The following KHDC1L variants were observed in gnomAD, a reference collection of about 807,000 sequenced individuals.
KHDC1L encodes KHDC1-like protein.
Under a neutral mutation model 11.2 loss-of-function variants are expected in KHDC1L, and 5 were observed. The ratio of observed to expected loss-of-function variants is 0.45; its 90% CI spans 0.23 to 0.94. The LOEUF (loss-of-function observed/expected upper bound fraction) is 0.94, where lower values mean the gene tolerates loss of function less well. KHDC1L is among the 40% of genes least tolerant of loss of function. The probability of loss-of-function intolerance (pLI) is 0.22; values close to 1 mark genes in which losing one functional copy is unlikely to be tolerated. For missense variants in KHDC1L, 168 were observed against 165.8 expected (o/e 1.01, Z -0.07); for synonymous variants, 66 against 62.7 (o/e 1.05, Z -0.25).
Position 73,224,356 on chromosome 6 carries a change from C to T in KHDC1L, c.113-8G>A, listed in dbSNP as rs1445198668. 1 of 1,551,200 alleles carries T rather than the reference C, an allele frequency of 6.4e-7. No individual in the cohort carries two copies. Among genetic ancestry groups the T allele is most frequent in the Non-Finnish European group, 8.7e-7 (1 of 1,145,364 alleles). On this transcript the variant is annotated splice_region_variant and splice_polypyrimidine_tract_variant and intron_variant, in intron 1 of 2. Transcript: ENST00000370388. Reference sequence around the variant, plus strand: ...GGTACGTGTCATCAAGTCCTGTAAGCACAAGAAGTGAGAAGAGAAACTGTC... The same window carrying T: ...GGTACGTGTCATCAAGTCCTGTAAGTACAAGAAGTGAGAAGAGAAACTGTC...
At chr6:73,225,089 C>CAAAA (rs774109371) in intron 1 of KHDC1L, among the ~76,000 whole-genome samples, 1 of 95,872 alleles carries the variant, frequency 1.0e-5, no homozygotes, top group Non-Finnish European at 2.1e-5. Flanking sequence ...TCTCGAGTCT[C>CAAAA]AAAAAAAAAA....
intron 1 of KHDC1L, 85 bp from the exon 2 acceptor site, chr6:73,224,433 G>T: frequency 1.7e-6 from 2 of 1,168,490 alleles, no homozygotes; most frequent in South Asian, 1.6e-5. Context: ...AGGGATGTGT[G>T]ACTCATGAAG....
In KHDC1L at chr6:73,223,618, G is replaced by A; in HGVS notation, c.*130C>T. 2 of 688,062 alleles carry A rather than the reference G, an allele frequency of 2.9e-6. No homozygotes were observed. The highest frequency in any genetic ancestry group is 1.9e-5 in the South Asian group (1 of 53,844). 42.6% of individuals were successfully genotyped at this position (688,062 alleles called of 1,614,324 possible). ...TCTAACACTCAGGAGACTTCCCTCA[G>A]ACACATGCCTAGAAGGCCTGAGAGG... On this transcript the variant is annotated 3_prime_UTR_variant, in exon 3 of 3. Transcript: ENST00000370388.
Position 73,224,078 on chromosome 6 carries a change from A to C in KHDC1L, c.295+88T>G. Reference sequence around the variant, plus strand: ...CCTGGATTCCCCAGCCACACAAGGGATTCTTCACGAATCCAAGATGCCACA... The same window carrying C: ...CCTGGATTCCCCAGCCACACAAGGGCTTCTTCACGAATCCAAGATGCCACA... On this transcript the variant is annotated intron_variant, in intron 2 of 2. Transcript: ENST00000370388. 4.2e-6 allele frequency: 6 copies of C among 1,413,596 alleles called. No homozygotes were observed. In the South Asian group the frequency reaches 8.6e-5, roughly 20 times the overall value. 87.6% of individuals were successfully genotyped at this position (1,413,596 alleles called of 1,614,324 possible). A position where few individuals can be genotyped will look rare whatever the true frequency, so the allele number is the denominator to read the frequency against.
At chr6:73,224,073 A>G (rs1766311951) in intron 2 of KHDC1L, 93 bp downstream of exon 2, 1 of 1,389,346 alleles carries the variant, frequency 7.2e-7, no homozygotes. Flanking sequence ...CCAGCCACAC[A>G]AGGGATTCTT....
At chr6:73,224,957 C>T (rs1177848779) in intron 1 of KHDC1L, among the ~76,000 whole-genome samples, 2 of 150,914 alleles carry the variant, frequency 1.3e-5, no homozygotes, top group South Asian at 4.2e-4. Context: ...ATGGCGGGCG[C>T]CTGTAGTCCC....
At position 73,225,366 on chromosome 6, in the gene KHDC1L, T is replaced by C. The variant is rs1258147074; in HGVS notation, c.43A>G (p.Thr15Ala). The change falls in exon 1 of 3, where the codon ACC becomes GCC. Residue 15 changes from threonine to alanine, a missense_variant. By Grantham distance (58) the Thr-to-Ala change is moderately conservative. Coordinates refer to ENST00000370388, the MANE Select transcript of KHDC1L (RefSeq NM_001126063.3). ...TSALSKEPWW[T>A]LPENFHSPMV... Reference sequence around the variant, plus strand: ...GGAGAATGAAAGTTTTCGGGCAGGGTCCACCACGGCTCCTTGCTGAGAGCA... The same window carrying C: ...GGAGAATGAAAGTTTTCGGGCAGGGCCCACCACGGCTCCTTGCTGAGAGCA... 1 of 1,613,946 alleles carries C rather than the reference T, an allele frequency of 6.2e-7. No homozygotes were observed. The highest frequency in any genetic ancestry group is 8.5e-7 in the Non-Finnish European group (1 of 1,179,974).
chr6:73,223,942 G>T, intron 2 of KHDC1L, 103 bp from the exon 3 acceptor site: 1 of 1,080,074 alleles, frequency 9.3e-7, no homozygotes, highest in Non-Finnish European at 1.4e-6. Context: ...TGTCACCCCA[G>T]CCCAGGTCTT....
chr6:73,224,278 G>A lies in KHDC1L; in HGVS notation c.183C>T (p.Phe61=). Residue 61 remains phenylalanine (F), a synonymous_variant, in exon 2 of 3, where the codon TTC becomes TTT. Transcript: ENST00000370388. ...SHTLIQLERC[F]TATGQTRVTV... Reference sequence around the variant, plus strand: ...TCACACGTGTCTGGCCTGTAGCTGTGAAACACCTCTCCAGCTGAATAAGGG... The same window carrying A: ...TCACACGTGTCTGGCCTGTAGCTGTAAAACACCTCTCCAGCTGAATAAGGG... 1.3e-6 allele frequency: 2 copies of A among 1,597,810 alleles called. No homozygotes were observed. The highest frequency in any genetic ancestry group is 1.7e-6 in the Non-Finnish European group (2 of 1,171,660).
At chr6:73,224,925 C>CA (rs563429034) in intron 1 of KHDC1L, among the ~76,000 whole-genome samples, 36 of 137,540 alleles carry the variant, frequency 2.6e-4, no homozygotes, top group African/African-American at 7.3e-4. Context: ...ACTAAAAATA[C>CA]AAAAAAAATT....
In KHDC1L at chr6:73,225,395, G is replaced by T. The variant is rs775522768; in HGVS notation, c.14C>A (p.Thr5Lys). The change falls in exon 1 of 3, where the codon ACG (threonine) becomes AAG (lysine). Residue 5 changes from threonine (T) to lysine (K), a missense_variant. By Grantham distance (78) the Thr-to-Lys change is moderately conservative. Coordinates refer to ENST00000370388, the MANE Select transcript of KHDC1L (RefSeq NM_001126063.3). MAVGTSALSKEPWWT... is the reference protein window; with the variant it reads MAVGKSALSKEPWWT... The stretch of plus-strand genomic sequence containing the variant: ...CCACGGCTCCTTGCTGAGAGCACTC[G>T]TTCCCACGGCCATGCTGTGCTCCCA... 1 of 1,613,546 alleles carries T rather than the reference G, an allele frequency of 6.2e-7. No homozygotes were observed. Among genetic ancestry groups the T allele is most frequent in the South Asian group, 1.1e-5 (1 of 91,066 alleles).
At chr6:73,224,077 G>A in intron 2 of KHDC1L, 89 bp downstream of exon 2, 2 of 1,407,916 alleles carry the variant, frequency 1.4e-6, no homozygotes, top group South Asian at 1.4e-5. Context: ...CCACACAAGG[G>A]ATTCTTCACG....
In KHDC1L at chr6:73,225,402, C is replaced by T; in HGVS notation, c.7G>A (p.Val3Met). The stretch of plus-strand genomic sequence containing the variant: ...TCCTTGCTGAGAGCACTCGTTCCCA[C>T]GGCCATGCTGTGCTCCCACCTGATT... Reference protein sequence around the residue: MAVGTSALSKEPW... With the variant: MAMGTSALSKEPW... Residue 3 changes from valine (V) to methionine (M), a missense_variant, in exon 1 of 3, where the codon GTG (valine) becomes ATG (methionine). Coordinates refer to ENST00000370388, the MANE Select transcript of KHDC1L (RefSeq NM_001126063.3). The T allele has an allele frequency of 1.2e-6, 2 of 1,612,656 alleles. No individual in the cohort carries two copies. The highest frequency in any genetic ancestry group is 1.1e-5 in the South Asian group (1 of 91,040).
Position 73,225,460 on chromosome 6 carries a change from CAAAAGACTTGG to C in KHDC1L, c.-63_-53del. The C allele has an allele frequency of 2.9e-6, 4 of 1,400,704 alleles. No homozygotes were observed. The highest frequency in any genetic ancestry group is 4.0e-6 in the Non-Finnish European group (4 of 990,914). The allele number at this position is 1,400,704 out of a possible 1,614,324, so 86.8% of individuals were successfully genotyped here. The stretch of plus-strand genomic sequence containing the variant: ...GGGGAAAGTCTAACAAACTGGTTGG[CAAAAGACTTGG>C]AAAAGCGAGGAAGGGCCTAGGCTCT... On this transcript the variant is annotated 5_prime_UTR_variant, in exon 1 of 3. Transcript: ENST00000370388.
At position 73,225,478 on chromosome 6, in the gene KHDC1L, G is replaced by T. The variant is rs189914592; in HGVS notation, c.-70C>A. On this transcript the variant is annotated 5_prime_UTR_variant, in exon 1 of 3. Transcript: ENST00000370388. ...TGGTTGGCAAAAGACTTGGAAAAGC[G>T]AGGAAGGGCCTAGGCTCTGTCCTTA... 2 of 1,138,838 alleles carry T rather than the reference G, an allele frequency of 1.8e-6. No homozygotes were observed. The highest frequency in any genetic ancestry group is 2.6e-6 in the Non-Finnish European group (2 of 760,210). The allele number at this position is 1,138,838 out of a possible 1,614,324, so 70.5% of individuals were successfully genotyped here.
Position 73,225,448 on chromosome 6 carries a change from C to T in KHDC1L, c.-40G>A, listed in dbSNP as rs757525807. On this transcript the variant is annotated 5_prime_UTR_variant, in exon 1 of 3. Coordinates refer to ENST00000370388, the MANE Select transcript of KHDC1L (RefSeq NM_001126063.3). ...TGATTCAGAATAGGGGAAAGTCTAACAAACTGGTTGGCAAAAGACTTGGAA... is the reference window on the plus strand; with the variant it reads ...TGATTCAGAATAGGGGAAAGTCTAATAAACTGGTTGGCAAAAGACTTGGAA... 4.7e-6 allele frequency: 7 copies of T among 1,494,554 alleles called. No individual in the cohort carries two copies. In the African/African-American group the frequency reaches 6.9e-5, roughly 15 times the overall value. 92.6% of individuals were successfully genotyped at this position (1,494,554 alleles called of 1,614,324 possible).
At chr6:73,224,376 A>T in intron 1 of KHDC1L, 28 bp from the exon 2 acceptor site, 1 of 1,517,846 alleles carries the variant, frequency 6.6e-7, no homozygotes, top group Non-Finnish European at 8.9e-7. Context: ...GAGAAGAGAA[A>T]CTGTCAGCCA....
chr6:73,224,944 G>C (rs547367881), intron 1 of KHDC1L, among the ~76,000 whole-genome samples: 97 of 151,276 alleles, frequency 6.4e-4, no homozygotes, highest in African/African-American at 2.3e-3. Context: ...TTAGCCGGGC[G>C]TGATGGCGGG....
intron 1 of KHDC1L, 112 bp downstream of exon 1, chr6:73,225,185 T>C: frequency 3.2e-6 from 3 of 944,006 alleles, no homozygotes; most frequent in Non-Finnish European, 4.7e-6. Context: ...GAGAATCACT[T>C]GAACCCAAAA....
Sources: allele counts gnomAD v4.1 joint callset (sites outside exome capture counted in the v4.1 genomes callset), GRCh38; gene constraint gnomAD v4.1.1; transcripts MANE v1.5; gene names NCBI Gene and HGNC (gene_info 2026-07-23, HGNC 2026-07-21).